Variants in KCNMB2 observed in about 807,000 individuals in gnomAD.
KCNMB2 encodes the protein calcium-activated potassium channel subunit beta-2.
In KCNMB2, 9 loss-of-function variants were observed where a neutral mutation model predicts 24.5. That is an observed-to-expected ratio of 0.37 (90% CI 0.22 to 0.64). The LOEUF (loss-of-function observed/expected upper bound fraction) is 0.64, where lower values mean the gene tolerates loss of function less well. Among genes scored for constraint, KCNMB2 ranks in the 30% least tolerant of loss-of-function variants. The probability of loss-of-function intolerance (pLI) is 0.63; values close to 1 mark genes in which losing one functional copy is unlikely to be tolerated. For missense variants in KCNMB2, 226 were observed against 284.3 expected (o/e 0.79, Z 1.47); for synonymous variants, 109 against 104.4 (o/e 1.04, Z -0.27).
chr3:178,755,516 T>G (rs1318176418), intron 1 of KCNMB2, among the ~76,000 whole-genome samples: 2 of 152,210 alleles, frequency 1.3e-5, no homozygotes, highest in African/African-American at 2.4e-5. Flanking sequence ...TGTGGGACCA[T>G]AGCCACCCTT....
chr3:178,638,285 C>T (rs1257096495), intron 1 of KCNMB2, among the ~76,000 whole-genome samples: 1 of 151,988 alleles, frequency 6.6e-6, no homozygotes, highest in Admixed American at 6.6e-5. Context: ...TTTGAGATCC[C>T]CACAACCTCA....
At chr3:178,729,803 T>C (rs1279224366) in intron 1 of KCNMB2, among the ~76,000 whole-genome samples, 1 of 152,208 alleles carries the variant, frequency 6.6e-6, no homozygotes, top group Admixed American at 6.5e-5. Context: ...TTTTTCTGTC[T>C]TTAAGGTTTT....
intron 1 of KCNMB2, among the ~76,000 whole-genome samples, chr3:178,765,146 G>A (rs1476158583): frequency 6.6e-6 from 1 of 152,220 alleles, no homozygotes; most frequent in East Asian, 1.9e-4. Context: ...TAATGGTGCT[G>A]TGTCTTCTTA....
chr3:178,616,166 A>C (rs1008562227), intron 1 of KCNMB2, among the ~76,000 whole-genome samples: 6 of 152,148 alleles, frequency 3.9e-5, no homozygotes, highest in Non-Finnish European at 8.8e-5. Context: ...ATCCCTTGGC[A>C]GCCCCAGCTG....
In KCNMB2 at chr3:178,687,331, A is replaced by G. The variant is rs73045972; in HGVS notation, c.-67-120012A>G. Among the ~76,000 whole-genome samples, 252 of 152,232 alleles carry G rather than the reference A, an allele frequency of 1.7e-3. 1 individual carries two copies. Among genetic ancestry groups the G allele is most frequent in the African/African-American group, 5.8e-3 (241 of 41,564 alleles). The stretch of plus-strand genomic sequence containing the variant: ...CTATCCTGATAAAAGGAAGATTAAT[A>G]TTTATATCCAAGTTTCCTCATTGAG... On this transcript the variant is annotated intron_variant, in intron 1 of 4. Transcript: ENST00000452583.
chr3:178,640,430 T>G (rs1376002631), intron 1 of KCNMB2, among the ~76,000 whole-genome samples: 1 of 152,040 alleles, frequency 6.6e-6, no homozygotes, highest in African/African-American at 2.4e-5. Flanking sequence ...TTGTAAGAAC[T>G]CACTCACTAT....
At chr3:178,732,248 A>C (rs1051391974) in intron 1 of KCNMB2, among the ~76,000 whole-genome samples, 6 of 152,238 alleles carry the variant, frequency 3.9e-5, no homozygotes, top group African/African-American at 1.4e-4. Context: ...TCTCTATTGA[A>C]AATAGATACT....
Position 178,652,517 on chromosome 3 carries a change from C to T in KCNMB2, c.-68+115806C>T, listed in dbSNP as rs117831952. Among the ~76,000 whole-genome samples the T allele has an allele frequency of 2.5e-3, 382 of 151,960 alleles. 16 individuals carry two copies. The East Asian group carries it at 0.045, about 18-fold the overall frequency. ...CAGTGATTTGTGAAGCTATTTTTAA[C>T]ACACATCTATGATACTGTAATATGT... On this transcript the variant is annotated intron_variant, in intron 1 of 4. Transcript: ENST00000452583.
chr3:178,718,492 T>C (rs1722692391), intron 1 of KCNMB2, among the ~76,000 whole-genome samples: 1 of 152,236 alleles, frequency 6.6e-6, no homozygotes, highest in Non-Finnish European at 1.5e-5. Context: ...TTCCTTCGTG[T>C]TCCCCCACTC....
At chr3:178,659,252 C>T (rs1720445106) in intron 1 of KCNMB2, among the ~76,000 whole-genome samples, 1 of 152,232 alleles carries the variant, frequency 6.6e-6, no homozygotes, top group Admixed American at 6.5e-5. Flanking sequence ...AATTTGATTT[C>T]AAGCCAGAAT....
At chr3:178,679,676 C>A (rs1394344990) in intron 1 of KCNMB2, among the ~76,000 whole-genome samples, 1 of 152,050 alleles carries the variant, frequency 6.6e-6, no homozygotes, top group Non-Finnish European at 1.5e-5. Context: ...TCTTTGGAAA[C>A]AAAGAGAAGT....
chr3:178,789,906 C>G (rs573920347), intron 1 of KCNMB2, among the ~76,000 whole-genome samples: 59 of 151,982 alleles, frequency 3.9e-4, no homozygotes, highest in Admixed American at 1.2e-3. Flanking sequence ...GGTGCACAAC[C>G]CAGGGAGACA....
At chr3:178,727,627 G>A (rs947846063) in intron 1 of KCNMB2, among the ~76,000 whole-genome samples, 5 of 152,136 alleles carry the variant, frequency 3.3e-5, no homozygotes, top group African/African-American at 7.2e-5. Context: ...CAACATTGCT[G>A]GCTTTGAAGA....
In KCNMB2 at chr3:178,591,254, A is replaced by G. The variant is rs1717660420; in HGVS notation, c.-68+54543A>G. Among the ~76,000 whole-genome samples, 3 of 152,328 alleles carry G rather than the reference A, an allele frequency of 2.0e-5. No homozygotes were observed. In the East Asian group the frequency reaches 5.8e-4, roughly 29 times the overall value. ...CAATGGTTAAGATTAATAAATACTC[A>G]TTAGAGGAATCAGCATATACGTGAG... On this transcript the variant is annotated intron_variant, in intron 1 of 4. Transcript: ENST00000452583.
chr3:178,652,306 T>C (rs1014060078), intron 1 of KCNMB2, among the ~76,000 whole-genome samples: 1 of 152,060 alleles, frequency 6.6e-6, no homozygotes, highest in Non-Finnish European at 1.5e-5. Context: ...CATTGCACAC[T>C]GGGACCTGTC....
chr3:178,672,911 A>G (rs1174666352), intron 1 of KCNMB2, among the ~76,000 whole-genome samples: 1 of 152,114 alleles, frequency 6.6e-6, no homozygotes, highest in Non-Finnish European at 1.5e-5. Context: ...AAACACCTGT[A>G]ATCTAAATTT....
At chr3:178,714,903 GA>G (rs1374713969) in intron 1 of KCNMB2, among the ~76,000 whole-genome samples, 1 of 152,148 alleles carries the variant, frequency 6.6e-6, no homozygotes, top group African/African-American at 2.4e-5. Context: ...CTTCTGTTTA[GA>G]AAAAACAGCT....
At chr3:178,625,483 G>T (rs888215035) in intron 1 of KCNMB2, among the ~76,000 whole-genome samples, 12 of 152,260 alleles carry the variant, frequency 7.9e-5, no homozygotes, top group African/African-American at 2.9e-4. Flanking sequence ...CAATGCCGGG[G>T]TGGGGAGGTG....
chr3:178,541,537 T>G (rs1383281332), intron 1 of KCNMB2, among the ~76,000 whole-genome samples: 1 of 152,238 alleles, frequency 6.6e-6, no homozygotes, highest in East Asian at 1.9e-4. Context: ...TGTTAAACAG[T>G]GACCTCTCTA....
Sources: gnomAD v4.1 joint callset for allele counts (sites outside exome capture counted in the v4.1 genomes callset) on GRCh38, gnomAD v4.1.1 for gene constraint, MANE v1.5 for transcripts, NCBI Gene and HGNC (gene_info 2026-07-23, HGNC 2026-07-21) for gene names.